Variants in PTPRO observed in about 807,000 individuals in gnomAD.
The protein encoded by PTPRO is receptor-type tyrosine-protein phosphatase O.
PTPRO carries 62 observed loss-of-function variants against 145.2 expected under a neutral mutation model. The observed-to-expected ratio is 0.43, with a 90% CI of 0.35 to 0.53. PTPRO has a LOEUF of 0.53. Among genes scored for constraint, PTPRO ranks in the 20% least tolerant of loss-of-function variants. PTPRO has a pLI of 0.01. For synonymous variants in PTPRO, 565 were observed against 514.7 expected (o/e 1.10, Z -1.32); for missense variants, 1,345 against 1,482.7 (o/e 0.91, Z 1.53).
chr12:15,448,684 A>G (rs1393220386), intron 1 of PTPRO, among the ~76,000 whole-genome samples: 1 of 152,198 alleles, frequency 6.6e-6, no homozygotes, highest in Non-Finnish European at 1.5e-5. Context: ...GTATATACCC[A>G]AAGGAAATGA....
At chr12:15,509,852 A>T (rs2136486263) in intron 7 of PTPRO, among the ~76,000 whole-genome samples, 1 of 152,214 alleles carries the variant, frequency 6.6e-6, no homozygotes, top group East Asian at 1.9e-4. Flanking sequence ...TGGCTAGCAG[A>T]AGGAACGCAT....
chr12:15,469,714 T>C (rs1237280551), intron 1 of PTPRO, among the ~76,000 whole-genome samples: 1 of 132,482 alleles, frequency 7.5e-6, no homozygotes, highest in Non-Finnish European at 1.5e-5. Context: ...ATAAATAGAC[T>C]GAAAGTCAGA....
At chr12:15,543,744 A>G (rs1943223415) in intron 12 of PTPRO, among the ~76,000 whole-genome samples, 1 of 152,240 alleles carries the variant, frequency 6.6e-6, no homozygotes, top group Non-Finnish European at 1.5e-5. Flanking sequence ...AAGGCAGTAG[A>G]ATGTCAGAGA....
chr12:15,471,634 T>A (rs957911635), intron 1 of PTPRO, among the ~76,000 whole-genome samples: 5 of 152,210 alleles, frequency 3.3e-5, no homozygotes, highest in Admixed American at 3.3e-4. Context: ...ATCATTGCTA[T>A]TATTATTGGT....
At chr12:15,434,323 C>T (rs1473250253) in intron 1 of PTPRO, among the ~76,000 whole-genome samples, 3 of 152,128 alleles carry the variant, frequency 2.0e-5, no homozygotes, top group Admixed American at 6.5e-5. Flanking sequence ...GGTTTCTATT[C>T]AACACTTTGG....
At chr12:15,555,539 A>G (rs1039695005) in intron 15 of PTPRO, among the ~76,000 whole-genome samples, 10 of 152,208 alleles carry the variant, frequency 6.6e-5, no homozygotes, top group African/African-American at 2.2e-4. Flanking sequence ...CAGTAATAAC[A>G]TAGCGTAATA....
At chr12:15,402,010 T>A (rs550406928) in intron 1 of PTPRO, among the ~76,000 whole-genome samples, 116 of 152,150 alleles carry the variant, frequency 7.6e-4, no homozygotes, top group Non-Finnish European at 1.4e-3. Flanking sequence ...GGATTTGGTA[T>A]TCGTTTAACT....
rs1030639797 is a variant in PTPRO, at chr12:15,532,213, G to C, written c.2164+5951G>C. ...GTAATTTGGAAATATGTGATGTGTT[G>C]ATTAGACACTATGGAAGTAAAAATT... On this transcript the variant is annotated intron_variant, in intron 12 of 26. Coordinates refer to ENST00000281171, the MANE Select transcript of PTPRO (RefSeq NM_030667.3). Among the ~76,000 whole-genome samples the C allele has an allele frequency of 1.6e-4, 24 of 152,118 alleles. No individual in the cohort carries two copies. In the Middle Eastern group the frequency reaches 0.014, roughly 86 times the overall value.
chr12:15,593,765 C>T (rs75590604), intron 25 of PTPRO, among the ~76,000 whole-genome samples: 1 of 152,128 alleles, frequency 6.6e-6, no homozygotes, highest in Non-Finnish European at 1.5e-5. Flanking sequence ...ATTCTACCTC[C>T]ACAAACAATA....
intron 1 of PTPRO, among the ~76,000 whole-genome samples, chr12:15,367,430 A>C (rs1259288559): frequency 6.6e-6 from 1 of 152,254 alleles, no homozygotes; most frequent in African/African-American, 2.4e-5. Context: ...TCTTGAGAAG[A>C]ATAAATAAAG....
At chr12:15,471,215 C>CA (rs1466987562) in intron 1 of PTPRO, among the ~76,000 whole-genome samples, 2 of 152,010 alleles carry the variant, frequency 1.3e-5, no homozygotes, top group Non-Finnish European at 2.9e-5. Context: ...CCTGTCTCTA[C>CA]AAAAAATACA....
intron 7 of PTPRO, among the ~76,000 whole-genome samples, chr12:15,510,069 G>A (rs1242152426): frequency 6.6e-6 from 1 of 152,122 alleles, no homozygotes; most frequent in Non-Finnish European, 1.5e-5. Context: ...CAATTCTTGT[G>A]GAGTACGTTG....
intron 1 of PTPRO, among the ~76,000 whole-genome samples, chr12:15,350,594 C>T (rs1937771808): frequency 6.6e-6 from 1 of 152,168 alleles, no homozygotes. Flanking sequence ...AAATACTGCT[C>T]CCTGTACCCC....
intron 17 of PTPRO, among the ~76,000 whole-genome samples, chr12:15,564,923 C>G (rs1943859542): frequency 6.6e-6 from 1 of 152,124 alleles, no homozygotes; most frequent in South Asian, 2.1e-4. Flanking sequence ...AAAATCATTA[C>G]CTTAATTATC....
chr12:15,469,585 C>CAAACAGGCGAGCTGTA (rs1356257092), intron 1 of PTPRO, among the ~76,000 whole-genome samples: 10 of 152,092 alleles, frequency 6.6e-5, no homozygotes, highest in African/African-American at 1.2e-4. Context: ...AACCTTCCAT[C>CAAACAGGCGAGCTGTA]AAACAGGCGA....
At position 15,580,849 on chromosome 12, in the gene PTPRO, C is replaced by G; in HGVS notation, c.3132+18C>G. ...AAAGGAGGGTACGTACTTACTGAAA[C>G]TGCTCCCACTTAGCAGCAAAACCTG... On this transcript the variant is annotated intron_variant, in intron 22 of 26. Transcript: ENST00000281171. 6.2e-7 allele frequency: 1 copy of G among 1,613,722 alleles called. No homozygotes were observed. Among genetic ancestry groups the G allele is most frequent in the Admixed American group, 1.7e-5 (1 of 60,016 alleles).
chr12:15,560,129 A>G (rs1017670603), intron 16 of PTPRO, 64 bp from the exon 17 acceptor site: 13 of 1,144,570 alleles, frequency 1.1e-5, no homozygotes, highest in Middle Eastern at 2.0e-4. Flanking sequence ...ATCTATTCAC[A>G]GTTTATATTA....
At chr12:15,554,997 T>G (rs1943579747) in intron 15 of PTPRO, among the ~76,000 whole-genome samples, 2 of 152,146 alleles carry the variant, frequency 1.3e-5, no homozygotes, top group South Asian at 2.1e-4. Context: ...ATCCCGGCAC[T>G]TTGGGAGGCA....
intron 1 of PTPRO, among the ~76,000 whole-genome samples, chr12:15,384,403 T>C (rs1938958503): frequency 6.6e-6 from 1 of 152,178 alleles, no homozygotes; most frequent in Non-Finnish European, 1.5e-5. Context: ...AACAGAAATG[T>C]GTTTTCTCAT....
Sources: gnomAD v4.1 joint callset for allele counts (sites outside exome capture counted in the v4.1 genomes callset) on GRCh38, gnomAD v4.1.1 for gene constraint, MANE v1.5 for transcripts, NCBI Gene and HGNC (gene_info 2026-07-23, HGNC 2026-07-21) for gene names.